The following MAP4K4 variants were observed in gnomAD, a reference collection of about 807,000 sequenced individuals.
The protein encoded by MAP4K4 is HPK/GCK-like kinase HGK.
MAP4K4 carries 38 observed loss-of-function variants against 189.6 expected under a neutral mutation model. That is an observed-to-expected ratio of 0.20 (90% CI 0.15 to 0.26). MAP4K4 has a LOEUF of 0.26. MAP4K4 is among the 10% of genes least tolerant of loss of function. The probability of loss-of-function intolerance (pLI) is 1.00; values close to 1 mark genes in which losing one functional copy is unlikely to be tolerated. For synonymous variants in MAP4K4, 610 were observed against 624.3 expected (o/e 0.98, Z 0.34); for missense variants, 1,054 against 1,726.9 (o/e 0.61, Z 6.91).
At chr2:101,713,880 C>T (rs982106600) in intron 2 of MAP4K4, among the ~76,000 whole-genome samples, 15 of 151,924 alleles carry the variant, frequency 9.9e-5, no homozygotes, top group Admixed American at 1.3e-4. Flanking sequence ...GGTGACAGAG[C>T]GAGACTCCAT....
chr2:101,856,620 T>G (rs781048808), intron 13 of MAP4K4, among the ~76,000 whole-genome samples: 3 of 152,198 alleles, frequency 2.0e-5, no homozygotes, highest in Non-Finnish European at 4.4e-5. Flanking sequence ...TTAAAAAAAC[T>G]AACATTGATG....
intron 2 of MAP4K4, among the ~76,000 whole-genome samples, chr2:101,725,701 G>GC (rs1038110280): frequency 3.9e-5 from 6 of 152,170 alleles, no homozygotes; most frequent in African/African-American, 1.4e-4. Context: ...CTCACACAGT[G>GC]CCCTGTGCCA....
At chr2:101,893,271 A>G in exon 33 of MAP4K4, 1 of 456,390 alleles carries the variant, frequency 2.2e-6, no homozygotes, top group Non-Finnish European at 4.4e-6. Flanking sequence ...CAAGCTGAGA[A>G]GCTTACTTTT....
At chr2:101,750,716 T>C (rs1485481746) in intron 2 of MAP4K4, among the ~76,000 whole-genome samples, 7 of 151,468 alleles carry the variant, frequency 4.6e-5, no homozygotes, top group South Asian at 2.1e-4. Flanking sequence ...TCCTAGCTAC[T>C]CAGGAGGCTG....
chr2:101,718,305 C>G (rs184452905), intron 2 of MAP4K4, among the ~76,000 whole-genome samples: 212 of 151,938 alleles, frequency 1.4e-3, no homozygotes, highest in African/African-American at 4.9e-3. Context: ...TCCACCATCT[C>G]CTTTATGTAC....
chr2:101,797,473 C>G (rs2093835895), intron 3 of MAP4K4: 11 of 1,092,260 alleles, frequency 1.0e-5, no homozygotes, highest in Non-Finnish European at 1.3e-5. Flanking sequence ...CTGCTTTTCC[C>G]TTAGCTACTG....
At chr2:101,777,601 C>A (rs1216561261) in intron 2 of MAP4K4, among the ~76,000 whole-genome samples, 1 of 152,206 alleles carries the variant, frequency 6.6e-6, no homozygotes, top group African/African-American at 2.4e-5. Context: ...TAAATGCAAC[C>A]TCCCCATCTC....
chr2:101,750,487 C>A (rs1482126333), intron 2 of MAP4K4, among the ~76,000 whole-genome samples: 1 of 136,296 alleles, frequency 7.3e-6, no homozygotes, highest in African/African-American at 2.8e-5. Flanking sequence ...AGGAAGGGGA[C>A]TATCACACTC....
intron 3 of MAP4K4, among the ~76,000 whole-genome samples, chr2:101,805,072 CAAA>C (rs36081384): frequency 1.6e-4 from 9 of 56,420 alleles, no homozygotes; most frequent in Non-Finnish European, 2.3e-4. Context: ...GACTCCAGAT[CAAA>C]AAAAAAAAAA....
chr2:101,763,014 A>C (rs551042404), intron 2 of MAP4K4, among the ~76,000 whole-genome samples: 1 of 152,328 alleles, frequency 6.6e-6, no homozygotes, highest in East Asian at 1.9e-4. Flanking sequence ...ATGTGAGGCC[A>C]GAAGATTCTA....
At chr2:101,866,088 A>G (rs1020026513) in intron 18 of MAP4K4, among the ~76,000 whole-genome samples, 2 of 152,220 alleles carry the variant, frequency 1.3e-5, no homozygotes, top group Non-Finnish European at 1.5e-5. Context: ...GTATAATTAT[A>G]CAAATACGGA....
intron 32 of MAP4K4, 95 bp from the exon 33 acceptor site, chr2:101,891,071 C>A: frequency 2.1e-6 from 2 of 957,084 alleles, no homozygotes; most frequent in Non-Finnish European, 3.4e-6. Context: ...GCTTCTCGTA[C>A]TTGACAGTGT....
At chr2:101,881,584 A>G (rs186999055) in intron 27 of MAP4K4, among the ~76,000 whole-genome samples, 143 of 152,294 alleles carry the variant, frequency 9.4e-4, no homozygotes, top group Admixed American at 2.0e-3. Context: ...ATGAGAAGGG[A>G]AATCCTTCAC....
At chr2:101,836,821 C>A (rs1345736121) in intron 9 of MAP4K4, among the ~76,000 whole-genome samples, 4 of 152,104 alleles carry the variant, frequency 2.6e-5, no homozygotes, top group Non-Finnish European at 5.9e-5. Flanking sequence ...AGTACTGATA[C>A]CCGCAGAGAG....
At chr2:101,824,981 A>C (rs1450879377) in intron 4 of MAP4K4, among the ~76,000 whole-genome samples, 1 of 152,234 alleles carries the variant, frequency 6.6e-6, no homozygotes, top group East Asian at 1.9e-4. Context: ...ATGTTAGGGA[A>C]TATTTGAGTC....
At chr2:101,856,230 T>A in intron 13 of MAP4K4, 92 bp downstream of exon 13, 1 of 1,212,302 alleles carries the variant, frequency 8.2e-7, no homozygotes, top group Admixed American at 2.4e-5. Context: ...ACACATGTGA[T>A]GCATACACAC....
chr2:101,785,751 T>TCC (rs2090717278), intron 2 of MAP4K4, among the ~76,000 whole-genome samples: 1 of 9,610 alleles, frequency 1.0e-4, no homozygotes, highest in Admixed American at 1.1e-3. Context: ...TCTCTCTCTC[T>TCC]CTCTCTCTCT....
chr2:101,768,696 A>G (rs1039994292), intron 2 of MAP4K4, among the ~76,000 whole-genome samples: 2 of 152,204 alleles, frequency 1.3e-5, no homozygotes, highest in African/African-American at 4.8e-5. Context: ...TGTTCCACAG[A>G]AAAGGGTGTT....
chr2:101,806,240 CTG>C (rs1559007951), intron 3 of MAP4K4, among the ~76,000 whole-genome samples: 1 of 152,112 alleles, frequency 6.6e-6, no homozygotes. Context: ...TTGAGGGAAT[CTG>C]TAGTTAGGTG....
Sources: allele counts gnomAD v4.1 joint callset (sites outside exome capture counted in the v4.1 genomes callset), GRCh38; gene constraint gnomAD v4.1.1; transcripts MANE v1.5; gene names NCBI Gene and HGNC (gene_info 2026-07-23, HGNC 2026-07-21).